VRK2: variants seen among roughly 807,000 people sequenced by gnomAD.
The protein encoded by VRK2 is serine/threonine-protein kinase VRK2.
VRK2 carries 60 observed loss-of-function variants against 57.6 expected under a neutral mutation model. That is an observed-to-expected ratio of 1.04 (90% confidence interval 0.85 to 1.29). The LOEUF is 1.29. Ranked by LOEUF, VRK2 falls within the 50% of genes most tolerant of loss-of-function variation. The pLI, the probability that VRK2 is intolerant of heterozygous loss-of-function variation, is 0.00. For synonymous variants in VRK2, 231 were observed against 199.2 expected, an observed-to-expected ratio of 1.16 and a Z score of -1.35; for missense variants, 705 against 588.1, an observed-to-expected ratio of 1.20 and a Z score of -2.06.
intron 1 of VRK2, among the ~76,000 whole-genome samples, chr2:57,968,347 T>A (rs1671985245): frequency 6.6e-6 from 1 of 151,990 alleles, no homozygotes; most frequent in Non-Finnish European, 1.5e-5. Context: ...AAAAAGCATC[T>A]CTCTCATCCA....
At chr2:58,076,171 G>A (rs1670084131) in intron 2 of VRK2, among the ~76,000 whole-genome samples, 1 of 145,398 alleles carries the variant, frequency 6.9e-6, no homozygotes, top group African/African-American at 2.6e-5. Context: ...ACAGTTGAGT[G>A]TTCCTACTCC....
chr2:58,060,221 G>A (rs1677122509), intron 2 of VRK2, among the ~76,000 whole-genome samples: 1 of 151,980 alleles, frequency 6.6e-6, no homozygotes, highest in Admixed American at 6.6e-5. Context: ...GCTGTGTGAT[G>A]AAAAGAGGAA....
At chr2:58,071,554 G>A (rs1010569999) in intron 2 of VRK2, among the ~76,000 whole-genome samples, 4 of 152,110 alleles carry the variant, frequency 2.6e-5, no homozygotes, top group South Asian at 4.1e-4. Context: ...ACTACACTTC[G>A]TCTATTGAAT....
intron 2 of VRK2, among the ~76,000 whole-genome samples, chr2:58,053,906 C>T (rs1468301951): frequency 1.3e-5 from 2 of 151,944 alleles, no homozygotes; most frequent in African/African-American, 4.8e-5. Context: ...GGACTAGAAA[C>T]TATAGTGTTT....
At chr2:57,975,685 C>T (rs1443468528) in intron 1 of VRK2, among the ~76,000 whole-genome samples, 1 of 151,904 alleles carries the variant, frequency 6.6e-6, no homozygotes, top group Non-Finnish European at 1.5e-5. Context: ...CTGTCCCCAA[C>T]CATGTACCCA....
At chr2:57,944,511 C>A (rs899078902) in intron 1 of VRK2, among the ~76,000 whole-genome samples, 3 of 152,118 alleles carry the variant, frequency 2.0e-5, no homozygotes, top group Non-Finnish European at 2.9e-5. Flanking sequence ...CCGAGGCAGG[C>A]GGATCACGAC....
intron 2 of VRK2, among the ~76,000 whole-genome samples, chr2:58,060,858 T>C (rs1677222643): frequency 6.6e-6 from 1 of 151,910 alleles, no homozygotes; most frequent in African/African-American, 2.4e-5. Flanking sequence ...GGATTTATGA[T>C]GGCTAAGAAA....
chr2:57,912,730 G>C (rs1040224), intron 1 of VRK2, among the ~76,000 whole-genome samples: 98,378 of 152,048 alleles, frequency 0.65, 32,156 homozygotes, highest in African/African-American at 0.76. Flanking sequence ...AAATTCAAAG[G>C]AAAGAAAGAA....
chr2:57,922,223 T>A (rs376558605), intron 1 of VRK2, among the ~76,000 whole-genome samples: 1 of 151,930 alleles, frequency 6.6e-6, no homozygotes, highest in South Asian at 2.1e-4. Flanking sequence ...GCCTTTAAAT[T>A]GAAAGAAATT....
chr2:57,982,593 T>A (rs1367258723), intron 1 of VRK2, among the ~76,000 whole-genome samples: 2 of 151,854 alleles, frequency 1.3e-5, no homozygotes, highest in African/African-American at 4.8e-5. Flanking sequence ...TTAGGTGGGG[T>A]CTGCTGATGA....
At chr2:57,990,886 T>C (rs867992698) in intron 1 of VRK2, among the ~76,000 whole-genome samples, 7 of 133,096 alleles carry the variant, frequency 5.3e-5, no homozygotes, top group Non-Finnish European at 6.4e-5. Context: ...CACACACACA[T>C]GCACACACAC....
chr2:58,142,238 A>G (rs1681455312), intron 11 of VRK2, among the ~76,000 whole-genome samples: 1 of 151,944 alleles, frequency 6.6e-6, no homozygotes, highest in Non-Finnish European at 1.5e-5. Flanking sequence ...ATTTTTAAGA[A>G]AAACATATTT....
intron 7 of VRK2, among the ~76,000 whole-genome samples, chr2:58,094,526 T>C (rs1339288018): frequency 6.6e-6 from 1 of 152,252 alleles, no homozygotes; most frequent in African/African-American, 2.4e-5. Context: ...CCTGAGACTT[T>C]GCTGAAGTTG....
chr2:58,079,482 C>T (rs1428313032), intron 2 of VRK2, among the ~76,000 whole-genome samples: 4 of 151,972 alleles, frequency 2.6e-5, no homozygotes, highest in Non-Finnish European at 5.9e-5. Context: ...CTATTTTTAT[C>T]ATTTCTTCTA....
intron 1 of VRK2, chr2:58,048,599 T>A: frequency 6.8e-7 from 1 of 1,460,788 alleles, no homozygotes; most frequent in Non-Finnish European, 9.2e-7. Flanking sequence ...TTAGTTTGCT[T>A]CTGTTTTTTT....
intron 2 of VRK2, among the ~76,000 whole-genome samples, chr2:58,031,447 C>T (rs1473735000): frequency 1.3e-5 from 2 of 151,972 alleles, no homozygotes; most frequent in East Asian, 1.9e-4. Context: ...TGTTAATCTC[C>T]TCCTTTCCCT....
intron 1 of VRK2, among the ~76,000 whole-genome samples, chr2:57,924,798 G>T (rs1670477230): frequency 6.6e-6 from 1 of 151,932 alleles, no homozygotes; most frequent in Non-Finnish European, 1.5e-5. Context: ...TACAGGAAAG[G>T]CTTTTAGTTT....
chr2:58,127,139 A>C (rs1374712267), intron 8 of VRK2, among the ~76,000 whole-genome samples: 2 of 152,066 alleles, frequency 1.3e-5, no homozygotes, highest in Non-Finnish European at 2.9e-5. Flanking sequence ...AATATATTGC[A>C]TACTTTTTTT....
chr2:57,969,050 A>C (rs1335243013), intron 1 of VRK2, among the ~76,000 whole-genome samples: 4 of 152,114 alleles, frequency 2.6e-5, no homozygotes, highest in African/African-American at 9.7e-5. Context: ...TTTTCAAAAC[A>C]CTTATTAATG....
Sources: gnomAD v4.1 joint callset for allele counts (sites outside exome capture counted in the v4.1 genomes callset) on GRCh38, gnomAD v4.1.1 for gene constraint, MANE v1.5 for transcripts, NCBI Gene and HGNC (gene_info 2026-07-23, HGNC 2026-07-21) for gene names.